The following LNPEP variants were observed in gnomAD, a reference collection of about 807,000 sequenced individuals.
LNPEP encodes the protein leucyl and cystinyl aminopeptidase.
LNPEP carries 64 observed loss-of-function variants against 120.6 expected under a neutral mutation model. The ratio of observed to expected loss-of-function variants is 0.53; its 90% CI spans 0.43 to 0.65. The LOEUF (loss-of-function observed/expected upper bound fraction) is 0.65, where lower values mean the gene tolerates loss of function less well. LNPEP is among the 30% of genes least tolerant of loss of function. The probability of loss-of-function intolerance (pLI) is 0.00; values close to 1 mark genes in which losing one functional copy is unlikely to be tolerated. For synonymous variants in LNPEP, 435 were observed against 425.4 expected (o/e 1.02, Z -0.28); for missense variants, 1,057 against 1,200.0 (o/e 0.88, Z 1.76).
intron 8 of LNPEP, among the ~76,000 whole-genome samples, chr5:97,002,489 A>G (rs1028619378): frequency 5.9e-5 from 9 of 152,230 alleles, no homozygotes; most frequent in African/African-American, 1.7e-4. Flanking sequence ...AGTAATAGCT[A>G]TGAAGTGTGA....
At chr5:96,943,095 T>C (rs988589968) in intron 1 of LNPEP, 8 of 329,304 alleles carry the variant, frequency 2.4e-5, no homozygotes, top group African/African-American at 1.5e-4. Flanking sequence ...AAGTGACTCA[T>C]TGACTTCCAC....
At chr5:97,019,790 T>A (rs941953497) in intron 13 of LNPEP, among the ~76,000 whole-genome samples, 8 of 152,212 alleles carry the variant, frequency 5.3e-5, no homozygotes, top group Non-Finnish European at 8.8e-5. Flanking sequence ...CATTTGTTCC[T>A]ATTTGACAGT....
intron 15 of LNPEP, 52 bp from the exon 16 acceptor site, chr5:97,026,565 T>G (rs1791344403): frequency 2.1e-6 from 3 of 1,462,838 alleles, no homozygotes; most frequent in Non-Finnish European, 2.8e-6. Context: ...AGTTCAGTCA[T>G]CACTTCTTCA....
intron 1 of LNPEP, among the ~76,000 whole-genome samples, chr5:96,945,900 G>A (rs960678878): frequency 7.9e-5 from 12 of 152,226 alleles, no homozygotes; most frequent in Non-Finnish European, 1.6e-4. Flanking sequence ...ACTCAATCTT[G>A]AGAGCTCAAT....
chr5:97,014,583 A>G (rs1244960540), intron 12 of LNPEP, among the ~76,000 whole-genome samples: 1 of 152,146 alleles, frequency 6.6e-6, no homozygotes, highest in Non-Finnish European at 1.5e-5. Flanking sequence ...GATACTCTCT[A>G]TGCTATACTC....
At chr5:97,027,588 T>C (rs1791375438) in intron 16 of LNPEP, 145 bp from the exon 17 acceptor site, 3 of 599,702 alleles carry the variant, frequency 5.0e-6, no homozygotes, top group Non-Finnish European at 8.9e-6. Flanking sequence ...TAAGTATGCA[T>C]AGGGCTACCC....
intron 15 of LNPEP, 26 bp from the exon 16 acceptor site, chr5:97,026,591 G>C: frequency 6.3e-7 from 1 of 1,581,698 alleles, no homozygotes; most frequent in South Asian, 1.1e-5. Context: ...AATAATTTTG[G>C]AGGCTAAATC....
At chr5:96,968,668 A>G (rs1394494733) in intron 1 of LNPEP, among the ~76,000 whole-genome samples, 1 of 152,036 alleles carries the variant, frequency 6.6e-6, no homozygotes, top group African/African-American at 2.4e-5. Flanking sequence ...TTAAAGGTGA[A>G]AGAAACTAGG....
At chr5:96,964,634 T>G (rs530154360) in intron 1 of LNPEP, among the ~76,000 whole-genome samples, 2 of 152,298 alleles carry the variant, frequency 1.3e-5, no homozygotes, top group East Asian at 3.9e-4. Context: ...AACATTCTTA[T>G]ATGTATATCT....
chr5:97,019,062 GCATAT>G (rs1247601984), intron 13 of LNPEP, among the ~76,000 whole-genome samples: 1 of 152,140 alleles, frequency 6.6e-6, no homozygotes, highest in African/African-American at 2.4e-5. Flanking sequence ...AACTCCCTGG[GCATAT>G]CAGTGTAAAA....
rs776637854 is a variant in LNPEP at position 96,958,477 on chromosome 5, T to TG, written c.20-20659dup. 598 of 984,634 alleles carry TG rather than the reference T, an allele frequency of 6.1e-4. 1 individual carries two copies. The highest frequency in any genetic ancestry group is 7.0e-4 in the Non-Finnish European group (580 of 829,934). 61.0% of individuals were successfully genotyped at this position (984,634 alleles called of 1,614,324 possible). A position where few individuals can be genotyped will look rare whatever the true frequency, so the allele number is the denominator to read the frequency against. On this transcript the variant is annotated intron_variant, in intron 1 of 17. Transcript: ENST00000231368. ...CTCCTAACTCCACTAAGTACAGAAG[T>TG]GGAGCCGTACAGCCATGAATGTCAG...
At chr5:96,986,808 C>A in intron 4 of LNPEP, 138 bp downstream of exon 4, 2 of 774,324 alleles carry the variant, frequency 2.6e-6, no homozygotes, top group Non-Finnish European at 2.0e-6. Context: ...ACCAGAAATG[C>A]TACTTTTTTG....
chr5:96,989,363 TATA>T (rs1468075440), intron 4 of LNPEP, among the ~76,000 whole-genome samples: 18 of 23,136 alleles, frequency 7.8e-4, no homozygotes, highest in African/African-American at 1.5e-3. Context: ...ATATATTATA[TATA>T]ATTATATATT....
At chr5:96,969,005 C>T (rs1789795656) in intron 1 of LNPEP, among the ~76,000 whole-genome samples, 1 of 152,078 alleles carries the variant, frequency 6.6e-6, no homozygotes, top group Non-Finnish European at 1.5e-5. Context: ...ATTTGTTTCA[C>T]ATAGCTGTGA....
intron 11 of LNPEP, among the ~76,000 whole-genome samples, chr5:97,008,146 C>A (rs1790829866): frequency 6.6e-6 from 1 of 152,064 alleles, no homozygotes; most frequent in Admixed American, 6.6e-5. Context: ...ACAAATAACC[C>A]CATCTCCCTA....
chr5:97,003,802 C>G (rs1790713242), intron 9 of LNPEP, among the ~76,000 whole-genome samples: 1 of 150,422 alleles, frequency 6.6e-6, no homozygotes, highest in African/African-American at 2.4e-5. Flanking sequence ...TTTTCCTGTA[C>G]CTTAACTTCT....
In LNPEP at chr5:96,979,707, T is replaced by G. The variant is rs34236898; in HGVS notation, c.589T>G (p.Ser197Ala). 355 of 1,614,088 alleles carry G rather than the reference T, an allele frequency of 2.2e-4. 1 individual carries two copies. The African/African-American group carries it at 4.3e-3, about 20-fold the overall frequency. ...SMTFRGSVTISVQALQVTWNI... is the reference protein window; with the variant it reads ...SMTFRGSVTIAVQALQVTWNI... ...GACATTCAGGGGTTCTGTGACAATT[T>G]CAGTTCAGGCTCTTCAGGTCACATG... The change falls in exon 2 of 18, where the codon TCA (serine) becomes GCA (alanine). Residue 197 changes from serine (S) to alanine (A), a missense_variant. Transcript: ENST00000231368.
rs933871451 is a variant in LNPEP, at chr5:97,030,321, G to A, written c.*1788G>A. 1.2e-4 allele frequency: 18 copies of A among 152,036 alleles called. No individual in the cohort carries two copies. The highest frequency in any genetic ancestry group is 4.3e-4 in the African/African-American group (18 of 41,414). The allele number at this position is 152,036 out of a possible 1,614,324, so 9.4% of individuals were successfully genotyped here. A position where few individuals can be genotyped will look rare whatever the true frequency, so the allele number is the denominator to read the frequency against. ...AGTGATTGTAAGTCTTTATTCTTGTGCTTTGGTTAAATGAATGATAATTTA... is the reference window on the plus strand; with the variant it reads ...AGTGATTGTAAGTCTTTATTCTTGTACTTTGGTTAAATGAATGATAATTTA... On this transcript the variant is annotated 3_prime_UTR_variant, in exon 18 of 18. Coordinates refer to ENST00000231368, the MANE Select transcript of LNPEP (RefSeq NM_005575.3).
intron 9 of LNPEP, 132 bp downstream of exon 9, chr5:97,003,678 C>T: frequency 6.1e-6 from 3 of 491,472 alleles, no homozygotes; most frequent in Non-Finnish European, 1.0e-5. Flanking sequence ...GGGGATGGAG[C>T]TTGCTATATA....
Sources: allele counts gnomAD v4.1 joint callset (sites outside exome capture counted in the v4.1 genomes callset), GRCh38; gene constraint gnomAD v4.1.1; transcripts MANE v1.5; gene names NCBI Gene and HGNC (gene_info 2026-07-23, HGNC 2026-07-21).